TAS2R1: variants seen among roughly 807,000 people sequenced by gnomAD.
TAS2R1 encodes taste receptor type 2 member 1.
For synonymous variants in TAS2R1, 141 were observed against 134.2 expected, an observed-to-expected ratio of 1.05 and a Z score of -0.35; for missense variants, 370 against 353.4, an observed-to-expected ratio of 1.05 and a Z score of -0.38.
At chr5:9,653,517 T>C (rs1030452399) in intron 2 of TAS2R1, among the ~76,000 whole-genome samples, 2 of 152,170 alleles carry the variant, frequency 1.3e-5, no homozygotes, top group Non-Finnish European at 2.9e-5. Flanking sequence ...GTCAGGCTTT[T>C]TGAGTGCAAA....
chr5:9,700,605 G>T (rs2126524824), intron 1 of TAS2R1, among the ~76,000 whole-genome samples: 1 of 152,266 alleles, frequency 6.6e-6, no homozygotes, highest in African/African-American at 2.4e-5. Flanking sequence ...GCGCTTGCTT[G>T]CTAGGACACC....
chr5:9,869,359 G>A, the TAS2R1 span, among the ~76,000 whole-genome samples: 1 of 152,168 alleles, frequency 6.6e-6, no homozygotes, highest in African/African-American at 2.4e-5. Context: ...GCAAAGGCAT[G>A]GTGGCAGGCA....
chr5:9,830,572 G>C, the TAS2R1 span, among the ~76,000 whole-genome samples: 1 of 148,128 alleles, frequency 6.8e-6, no homozygotes, highest in Non-Finnish European at 1.5e-5. Flanking sequence ...ATAGATGGTT[G>C]GTAGGTAGGT....
the TAS2R1 span, among the ~76,000 whole-genome samples, chr5:9,888,460 G>T: frequency 6.6e-6 from 1 of 152,312 alleles, no homozygotes; most frequent in East Asian, 1.9e-4. Context: ...AAAGGCTTCT[G>T]CTATCCCGGA....
chr5:9,732,434 C>T, the TAS2R1 span, among the ~76,000 whole-genome samples: 1 of 152,152 alleles, frequency 6.6e-6, no homozygotes, highest in Non-Finnish European at 1.5e-5. Context: ...ATATAAGGCT[C>T]TCCAGGTGGG....
chr5:9,766,696 ATG>A, the TAS2R1 span, among the ~76,000 whole-genome samples: 1 of 152,186 alleles, frequency 6.6e-6, no homozygotes, highest in Admixed American at 6.5e-5. Flanking sequence ...GTGGTGGTTG[ATG>A]TGTCTTTCTC....
At chr5:9,863,328 C>T in the TAS2R1 span, among the ~76,000 whole-genome samples, 1 of 146,040 alleles carries the variant, frequency 6.8e-6, no homozygotes, top group Admixed American at 7.0e-5. Context: ...AGTGCAGTAG[C>T]GTGATGATCT....
chr5:9,867,987 A>T, the TAS2R1 span, among the ~76,000 whole-genome samples: 6 of 152,222 alleles, frequency 3.9e-5, no homozygotes, highest in Non-Finnish European at 8.8e-5. Context: ...CATGTCTCAC[A>T]TCCAGGTCAT....
the TAS2R1 span, among the ~76,000 whole-genome samples, chr5:9,876,899 C>T: frequency 7.1e-3 from 1,078 of 152,222 alleles, 13 homozygotes; most frequent in Admixed American, 0.028. Context: ...CTCACGTGTT[C>T]GATTCCAAAG....
upstream of TAS2R1, chr5:9,714,024 C>A (rs1362438158): frequency 1.3e-5 from 2 of 152,088 alleles, no homozygotes; most frequent in Non-Finnish European, 2.9e-5. Context: ...GATGACAGTC[C>A]TACACACTGG....
the TAS2R1 span, among the ~76,000 whole-genome samples, chr5:9,872,644 T>C: frequency 6.6e-6 from 1 of 152,216 alleles, no homozygotes; most frequent in Admixed American, 6.5e-5. Context: ...TGTAAGTAAA[T>C]ATAGATATGC....
the TAS2R1 span, among the ~76,000 whole-genome samples, chr5:9,844,108 A>G: frequency 6.6e-6 from 1 of 152,192 alleles, no homozygotes; most frequent in African/African-American, 2.4e-5. Flanking sequence ...TGCGTATTCT[A>G]CTGGTGAGAA....
At chr5:9,688,859 G>A (rs960111428) in intron 1 of TAS2R1, among the ~76,000 whole-genome samples, 23 of 152,236 alleles carry the variant, frequency 1.5e-4, no homozygotes, top group African/African-American at 4.3e-4. Flanking sequence ...ACACCAGGGC[G>A]GGAATGGAGC....
the TAS2R1 span, among the ~76,000 whole-genome samples, chr5:9,831,861 C>G: frequency 2.0e-5 from 3 of 152,038 alleles, no homozygotes; most frequent in African/African-American, 7.3e-5. Flanking sequence ...AAAAATTTTC[C>G]AAACAAAATT....
At chr5:9,723,743 C>G in the TAS2R1 span, among the ~76,000 whole-genome samples, 1 of 152,336 alleles carries the variant, frequency 6.6e-6, no homozygotes, top group Admixed American at 6.5e-5. Context: ...GCTAGTGACC[C>G]TCATCAGGGG....
At chr5:9,641,803 G>A (rs1740090507) in intron 2 of TAS2R1, 1 of 152,184 alleles carries the variant, frequency 6.6e-6, no homozygotes, top group Admixed American at 6.5e-5. Flanking sequence ...TAAACAGTTT[G>A]TTTTAGTGAG....
intron 1 of TAS2R1, among the ~76,000 whole-genome samples, chr5:9,697,445 A>G (rs1741383529): frequency 6.6e-6 from 1 of 152,202 alleles, no homozygotes; most frequent in Non-Finnish European, 1.5e-5. Flanking sequence ...TCAAGCTAGT[A>G]AAGGCACATT....
the TAS2R1 span, among the ~76,000 whole-genome samples, chr5:9,743,124 C>A: frequency 1.3e-5 from 2 of 151,934 alleles, no homozygotes; most frequent in Admixed American, 1.3e-4. Context: ...AGACAACCTG[C>A]GAAGACACTA....
the TAS2R1 span, among the ~76,000 whole-genome samples, chr5:9,791,046 G>C: frequency 6.6e-6 from 1 of 152,184 alleles, no homozygotes; most frequent in Non-Finnish European, 1.5e-5. Context: ...CTGGTTACCA[G>C]TGAAAAATCT....
Sources: gnomAD v4.1 joint callset for allele counts (sites outside exome capture counted in the v4.1 genomes callset) on GRCh38, gnomAD v4.1.1 for gene constraint, MANE v1.5 for transcripts, NCBI Gene and HGNC (gene_info 2026-07-23, HGNC 2026-07-21) for gene names.